CHST15: variants seen among roughly 807,000 people sequenced by gnomAD.
CHST15 encodes the protein carbohydrate sulfotransferase 15.
CHST15 carries 30 observed loss-of-function variants against 53.6 expected under a neutral mutation model. That is an observed-to-expected ratio of 0.56 (90% CI 0.42 to 0.76). The LOEUF is 0.76. Among genes scored for constraint, CHST15 ranks in the 30% least tolerant of loss-of-function variants. The pLI, the probability that CHST15 is intolerant of heterozygous loss-of-function variation, is 0.00. For synonymous variants in CHST15, 296 were observed against 289.8 expected, an observed-to-expected ratio of 1.02 and a Z score of -0.22; for missense variants, 627 against 740.5, an observed-to-expected ratio of 0.85 and a Z score of 1.78.
At chr10:124,037,149 C>T (rs868332177) in intron 5 of CHST15, among the ~76,000 whole-genome samples, 5 of 152,178 alleles carry the variant, frequency 3.3e-5, no homozygotes, top group African/African-American at 9.7e-5. Context: ...AGGGTCTACC[C>T]TGATCCAGTA....
rs919824571 is a variant in CHST15, at chr10:124,019,847, G to A, written c.1347+1409C>T. 5 of 985,938 alleles carry A rather than the reference G, an allele frequency of 5.1e-6. No homozygotes were observed. The highest frequency in any genetic ancestry group is 6.0e-6 in the Non-Finnish European group (5 of 830,326). The allele number at this position is 985,938 out of a possible 1,614,324, so 61.1% of individuals were successfully genotyped here. On this transcript the variant is annotated intron_variant, in intron 6 of 7. Coordinates refer to ENST00000435907, the MANE Select transcript of CHST15 (RefSeq NM_001270764.2). The surrounding 1 kb of genome is among the most constrained non-coding windows in gnomAD (Gnocchi z 4.6). ...CATGTGCCACGCACCCAAGCCCCCT[G>A]CCTCAGTGCCCCCCATCTCCCACAC...
Position 124,044,746 on chromosome 10 carries a change from C to G in CHST15, c.720G>C (p.Leu240=), listed in dbSNP as rs61740033. ...DALRKAFWGH[L]AHAHGKHFRL... Reference sequence around the variant, plus strand: ...GGAAGTGCTTCCCGTGCGCGTGCGCCAGGTGGCCCCAGAAGGCCTTGCGCA... The same window carrying G: ...GGAAGTGCTTCCCGTGCGCGTGCGCGAGGTGGCCCCAGAAGGCCTTGCGCA... The change falls in exon 3 of 8, where the codon CTG becomes CTC. Residue 240 remains leucine, a synonymous_variant. Transcript: ENST00000435907. The G allele has an allele frequency of 6.2e-7, 1 of 1,613,174 alleles. No individual in the cohort carries two copies. Among genetic ancestry groups the G allele is most frequent in the East Asian group, 2.2e-5 (1 of 44,804 alleles).
intron 1 of CHST15, among the ~76,000 whole-genome samples, chr10:124,062,011 TAAAA>T (rs57594474): frequency 0.019 from 2,693 of 142,242 alleles, 85 homozygotes; most frequent in East Asian, 0.12. Flanking sequence ...TATAAATCAT[TAAAA>T]AAAAAAAAAA....
rs1946372621 is a variant in CHST15, at chr10:124,010,196, G to A, written c.1639C>T (p.Leu547=). 3.1e-6 allele frequency: 5 copies of A among 1,613,918 alleles called. No homozygotes were observed. In the East Asian group the frequency reaches 8.9e-5, roughly 29 times the overall value. Residue 547 remains leucine (L), a synonymous_variant, in exon 8 of 8, where the codon CTG becomes TTG. Transcript: ENST00000435907. ...RDFYRPFNAR[L]AQVLADEAFA... ...GCCTCATCCGCGAGGACCTGCGCCA[G>A]CCTAGCGTTGAAGGGCCTGTAGAAA... is the stretch of plus-strand genomic sequence containing the variant.
intron 5 of CHST15, among the ~76,000 whole-genome samples, chr10:124,035,602 T>G (rs1435155874): frequency 6.7e-6 from 1 of 150,186 alleles, no homozygotes; most frequent in Non-Finnish European, 1.5e-5. Context: ...ACAGGGCCCA[T>G]GGTTTCATCC....
intron 6 of CHST15, chr10:124,020,021 G>A (rs1946718659): frequency 1.0e-6 from 1 of 985,696 alleles, no homozygotes. Context: ...GTTCTCAGGT[G>A]GTTCTCTGGT....
chr10:124,008,449 C>A lies in CHST15; in HGVS notation c.*1700G>T, dbSNP rs979041233. The A allele has an allele frequency of 4.0e-6, 4 of 991,798 alleles. No homozygotes were observed. The African/African-American group carries it at 5.2e-5, about 13-fold the overall frequency. The allele number at this position is 991,798 out of a possible 1,614,324, so 61.4% of individuals were successfully genotyped here. ...TGCTCAGGCCAGATTTCCCTGCTGG[C>A]GGCTGCTCCCAGTGCCGGCTATAGA... On this transcript the variant is annotated 3_prime_UTR_variant, in exon 8 of 8. Coordinates refer to ENST00000435907, the MANE Select transcript of CHST15 (RefSeq NM_001270764.2).
Position 124,045,743 on chromosome 10 carries a change from T to C in CHST15, c.470A>G (p.Asn157Ser), listed in dbSNP as rs1377521114. 8.1e-6 allele frequency: 13 copies of C among 1,614,054 alleles called. No individual in the cohort carries two copies. In the African/African-American group the frequency reaches 1.6e-4, roughly 20 times the overall value. The change falls in exon 2 of 8, where the codon AAC (asparagine) becomes AGC (serine). Residue 157 changes from asparagine (N) to serine (S), a missense_variant. Physicochemically the swap from Asn to Ser is conservative, Grantham distance 46. Coordinates refer to ENST00000435907, the MANE Select transcript of CHST15 (RefSeq NM_001270764.2). Reference sequence around the variant, plus strand: ...GAACTCAATCCTAGTTGTGATGCTGTTGATAATTAATTTAATGCTTGGATA... The same window carrying C: ...GAACTCAATCCTAGTTGTGATGCTGCTGATAATTAATTTAATGCTTGGATA... ...KDYPSIKLIINSITTRIEFTT... is the reference protein window; with the variant it reads ...KDYPSIKLIISSITTRIEFTT...
intron 1 of CHST15, among the ~76,000 whole-genome samples, chr10:124,090,618 A>C (rs1411048730): frequency 6.6e-6 from 1 of 152,228 alleles, no homozygotes; most frequent in Admixed American, 6.5e-5. Flanking sequence ...TCTTCCAGGC[A>C]TGTGAAAAAT....
intron 5 of CHST15, among the ~76,000 whole-genome samples, chr10:124,030,841 C>T (rs1947197035): frequency 1.3e-5 from 2 of 152,228 alleles, no homozygotes; most frequent in African/African-American, 4.8e-5. Context: ...GTCAAAGTTC[C>T]GCTGCGGTTC....
chr10:124,034,508 TCAGGGACCCTGGCTCCACCCCTAA>T (rs1947345535), intron 5 of CHST15, among the ~76,000 whole-genome samples: 2 of 151,636 alleles, frequency 1.3e-5, no homozygotes, highest in Admixed American at 6.6e-5. Flanking sequence ...AGAAACATAC[TCAGGGACCCTGGCTCCACCCCTAA>T]CAGGGACCCT....
At chr10:124,020,797 C>G in intron 6 of CHST15, 1 of 1,130,574 alleles carries the variant, frequency 8.8e-7, no homozygotes, top group Non-Finnish European at 1.1e-6. Context: ...ACAAGAGATA[C>G]GATTGAGGAA....
At chr10:124,056,775 C>T (rs958360921) in intron 1 of CHST15, among the ~76,000 whole-genome samples, 2 of 152,090 alleles carry the variant, frequency 1.3e-5, no homozygotes, top group African/African-American at 4.8e-5. Context: ...GCCCGTACGA[C>T]CGGACACTCC....
chr10:124,049,969 G>C (rs1040017267), intron 1 of CHST15, among the ~76,000 whole-genome samples: 2 of 152,134 alleles, frequency 1.3e-5, no homozygotes, highest in African/African-American at 4.8e-5. Context: ...TGAATGGTAA[G>C]ATAATCAGTT....
In CHST15 at chr10:124,046,632, G is replaced by A. The variant is rs1477483756; in HGVS notation, c.-420C>T. On this transcript the variant is annotated 5_prime_UTR_variant, in exon 2 of 8. Coordinates refer to ENST00000435907, the MANE Select transcript of CHST15 (RefSeq NM_001270764.2). ...TGGATGGATTGCCATGCCATCCACGGAGGCATCTGTGAAGATCTCCCCTTT... is the reference window on the plus strand; with the variant it reads ...TGGATGGATTGCCATGCCATCCACGAAGGCATCTGTGAAGATCTCCCCTTT... The A allele has an allele frequency of 6.2e-6, 1 of 160,874 alleles. No individual in the cohort carries two copies. Among genetic ancestry groups the A allele is most frequent in the African/African-American group, 2.4e-5 (1 of 41,708 alleles). 10.0% of individuals were successfully genotyped at this position (160,874 alleles called of 1,614,324 possible). A position where few individuals can be genotyped will look rare whatever the true frequency, so the allele number is the denominator to read the frequency against.
chr10:124,080,912 AAGACACATT>A (rs1377364253), intron 1 of CHST15, among the ~76,000 whole-genome samples: 2 of 152,204 alleles, frequency 1.3e-5, no homozygotes, highest in Non-Finnish European at 2.9e-5. Flanking sequence ...CACGTTGAAT[AAGACACATT>A]TCCTGTTCTG....
intron 4 of CHST15, among the ~76,000 whole-genome samples, 178 bp from the exon 5 acceptor site, chr10:124,038,849 C>G (rs1023774263): frequency 5.9e-5 from 9 of 151,856 alleles, no homozygotes; most frequent in East Asian, 3.9e-4. Context: ...GATGCCCCCC[C>G]CTGCCACAGC....
rs1947502352 is a variant in CHST15 at position 124,036,473 on chromosome 10, G to C, written c.1190+2042C>G. ...CCAAGAGCTCAGGCTCAGAGCGCTG[G>C]GGCTGAGGGAGGGCAGATCCAGCCT... is the stretch of plus-strand genomic sequence containing the variant. On this transcript the variant is annotated intron_variant, in intron 5 of 7. Transcript: ENST00000435907. This position sits in a 1 kb window ranked among gnomAD's most constrained non-coding sequence, Gnocchi z 5.1. Among the ~76,000 whole-genome samples the C allele has an allele frequency of 6.6e-6, 1 of 152,130 alleles. No individual in the cohort carries two copies. The highest frequency in any genetic ancestry group is 2.1e-4 in the South Asian group (1 of 4,816).
At position 124,036,797 on chromosome 10, in the gene CHST15, C is replaced by A. The variant is rs903095102; in HGVS notation, c.1190+1718G>T. 6.6e-6 allele frequency among the ~76,000 whole-genome samples: 1 copy of A among 152,170 alleles called. No individual in the cohort carries two copies. The highest frequency in any genetic ancestry group is 1.5e-5 in the Non-Finnish European group (1 of 68,034). On this transcript the variant is annotated intron_variant, in intron 5 of 7. Transcript: ENST00000435907. This position sits in a 1 kb window ranked among gnomAD's most constrained non-coding sequence, Gnocchi z 5.1. ...TCCAATATATGTTCCAAAATTTCCA[C>A]AACAAACACGCCTTATTGTTATAAT...
Sources: allele counts gnomAD v4.1 joint callset (sites outside exome capture counted in the v4.1 genomes callset), GRCh38; gene constraint gnomAD v4.1.1; non-coding constraint Gnocchi (gnomAD v3.1); transcripts MANE v1.5; gene names NCBI Gene and HGNC (gene_info 2026-07-23, HGNC 2026-07-21).